Variants in FOXP1 observed in about 807,000 individuals in gnomAD.
The protein encoded by FOXP1 is forkhead box protein P1.
FOXP1 carries 15 observed loss-of-function variants against 98.2 expected under a neutral mutation model. That is an observed-to-expected ratio of 0.15 (90% CI 0.10 to 0.24). The LOEUF (loss-of-function observed/expected upper bound fraction) is 0.24. FOXP1 is among the 10% of genes least tolerant of loss of function. The probability of loss-of-function intolerance (pLI) is 1.00; values close to 1 mark genes in which losing one functional copy is unlikely to be tolerated. For synonymous variants in FOXP1, 371 were observed against 314.5 expected (o/e 1.18, Z -1.90); for missense variants, 633 against 848.5 (o/e 0.75, Z 3.15).
intron 4 of FOXP1, chr3:71,335,075 C>G (rs1490010418): frequency 6.6e-6 from 1 of 151,904 alleles, no homozygotes; most frequent in African/African-American, 2.4e-5. Context: ...GCCTGGGAAA[C>G]CTAGTGAGAC....
intron 4 of FOXP1, among the ~76,000 whole-genome samples, chr3:71,311,907 C>G (rs1156499194): frequency 6.6e-6 from 1 of 152,144 alleles, no homozygotes; most frequent in Non-Finnish European, 1.5e-5. Context: ...TCTGCAGATC[C>G]CAGCTCCCTT....
At chr3:71,405,129 G>C (rs1252881632) in intron 3 of FOXP1, among the ~76,000 whole-genome samples, 1 of 152,166 alleles carries the variant, frequency 6.6e-6, no homozygotes, top group Non-Finnish European at 1.5e-5. Flanking sequence ...CAAAGACAAG[G>C]GGCAAGGATG....
At chr3:71,549,646 A>G (rs1006220068) in intron 2 of FOXP1, among the ~76,000 whole-genome samples, 3 of 152,174 alleles carry the variant, frequency 2.0e-5, no homozygotes, top group African/African-American at 7.2e-5. Context: ...AAGTACTGGG[A>G]TTACAGGCAT....
Position 71,142,962 on chromosome 3 carries a change from AAGGGC to A in FOXP1, c.181-30330_181-30326del, listed in dbSNP as rs534818407. ...AAGAGAGATAAGGGGGCAGGAAAGA[AAGGGC>A]AGGGCAGGGCAGGGCAGGGCAGGGC... On this transcript the variant is annotated intron_variant, in intron 6 of 20. Coordinates refer to ENST00000649528, the MANE Select transcript of FOXP1 (RefSeq NM_001349338.3). Among the ~76,000 whole-genome samples the A allele has an allele frequency of 9.4e-4, 143 of 151,884 alleles. 3 individuals are homozygous for A. The highest frequency in any genetic ancestry group is 4.5e-3 in the Admixed American group (69 of 15,268).
At chr3:71,382,010 G>A (rs567090147) in intron 3 of FOXP1, among the ~76,000 whole-genome samples, 7 of 152,234 alleles carry the variant, frequency 4.6e-5, no homozygotes, top group South Asian at 2.1e-4. Flanking sequence ...CCCAGCTCAC[G>A]CCTGTAAATG....
At chr3:71,421,894 C>A (rs905009820) in intron 3 of FOXP1, among the ~76,000 whole-genome samples, 1 of 152,188 alleles carries the variant, frequency 6.6e-6, no homozygotes, top group Admixed American at 6.5e-5. Context: ...TGATGGAGCA[C>A]CTCCATGTGA....
At chr3:71,111,189 A>G (rs2057889907) in intron 7 of FOXP1, among the ~76,000 whole-genome samples, 1 of 152,156 alleles carries the variant, frequency 6.6e-6, no homozygotes. Context: ...ATTAATTGGC[A>G]CCAAGTTATA....
intron 3 of FOXP1, among the ~76,000 whole-genome samples, chr3:71,486,952 G>GA (rs1325182934): frequency 6.6e-6 from 1 of 152,112 alleles, no homozygotes; most frequent in African/African-American, 2.4e-5. Flanking sequence ...TATGCAAAAG[G>GA]AAAATGTAAG....
chr3:71,135,373 G>A (rs534397342), intron 6 of FOXP1, among the ~76,000 whole-genome samples: 16 of 151,764 alleles, frequency 1.1e-4, no homozygotes, highest in African/African-American at 3.4e-4. Context: ...TACATGTAAA[G>A]ATTAAGTATA....
intron 14 of FOXP1, 92 bp downstream of exon 14, chr3:70,987,902 G>T: frequency 8.7e-7 from 1 of 1,154,516 alleles, no homozygotes; most frequent in Non-Finnish European, 1.3e-6. Context: ...CACCAAAGTA[G>T]GCTGGTCCTC....
intron 5 of FOXP1, among the ~76,000 whole-genome samples, chr3:71,249,547 C>T (rs1369372045): frequency 6.6e-6 from 1 of 152,182 alleles, no homozygotes; most frequent in Non-Finnish European, 1.5e-5. Context: ...AACAGCTAAG[C>T]AGTGGAGTCC....
intron 2 of FOXP1, among the ~76,000 whole-genome samples, chr3:71,565,448 G>C (rs961741634): frequency 2.7e-5 from 4 of 146,726 alleles, no homozygotes; most frequent in African/African-American, 8.2e-5. Context: ...TGGCAGTGAT[G>C]GGGGGGGAGC....
chr3:71,122,080 T>C (rs535906862), intron 6 of FOXP1, among the ~76,000 whole-genome samples: 5 of 152,342 alleles, frequency 3.3e-5, no homozygotes, highest in South Asian at 2.1e-4. Flanking sequence ...ACTAGAATTA[T>C]GCTCAAAATA....
chr3:71,483,681 T>A (rs1382099880), intron 3 of FOXP1, among the ~76,000 whole-genome samples: 2 of 152,194 alleles, frequency 1.3e-5, no homozygotes, highest in East Asian at 3.9e-4. Context: ...TAAATAGTTG[T>A]AACAGACCAG....
At chr3:71,237,013 C>T (rs2106846555) in intron 5 of FOXP1, among the ~76,000 whole-genome samples, 1 of 151,490 alleles carries the variant, frequency 6.6e-6, no homozygotes, top group Non-Finnish European at 1.5e-5. Flanking sequence ...GCGGGCAAAT[C>T]ACGAGGTCAG....
chr3:70,988,322 C>T (rs1358361494), intron 13 of FOXP1, among the ~76,000 whole-genome samples: 2 of 152,194 alleles, frequency 1.3e-5, no homozygotes, highest in East Asian at 1.9e-4. Context: ...GCTGGCACCA[C>T]GCAGTCCCAT....
intron 6 of FOXP1, among the ~76,000 whole-genome samples, chr3:71,181,630 T>C (rs1423196883): frequency 6.6e-6 from 1 of 151,896 alleles, no homozygotes; most frequent in African/African-American, 2.4e-5. Flanking sequence ...CAACATGAAA[T>C]GGGGTAAGCA....
chr3:71,407,764 CA>C (rs201407194), intron 3 of FOXP1, among the ~76,000 whole-genome samples: 480 of 140,556 alleles, frequency 3.4e-3, no homozygotes, highest in Middle Eastern at 0.015. Context: ...AAATAGGGAC[CA>C]AAAAAAAAAA....
intron 10 of FOXP1, among the ~76,000 whole-genome samples, chr3:71,042,432 G>A (rs1475508444): frequency 1.3e-5 from 2 of 152,036 alleles, no homozygotes; most frequent in Non-Finnish European, 2.9e-5. Context: ...CTGTAGCCCA[G>A]GTTTCCAAAT....
Sources: allele counts gnomAD v4.1 joint callset (sites outside exome capture counted in the v4.1 genomes callset), GRCh38; gene constraint gnomAD v4.1.1; transcripts MANE v1.5; gene names NCBI Gene and HGNC (gene_info 2026-07-23, HGNC 2026-07-21).